Variants in MLXIPL observed in about 807,000 individuals in gnomAD.
MLXIPL encodes carbohydrate-responsive element-binding protein.
Under a neutral mutation model 81.5 loss-of-function variants are expected in MLXIPL, and 49 were observed. The observed-to-expected ratio is 0.60, with a 90% CI of 0.48 to 0.76. The LOEUF is 0.76. Ranked by LOEUF, MLXIPL falls within the 30% of genes least tolerant of loss-of-function variation. The probability of loss-of-function intolerance (pLI) is 0.00; values close to 1 mark genes in which losing one functional copy is unlikely to be tolerated. For missense variants in MLXIPL, 1,053 were observed against 1,167.0 expected (o/e 0.90, Z 1.42); for synonymous variants, 466 against 485.5 (o/e 0.96, Z 0.53).
chr7:73,624,476 G>C lies in MLXIPL; in HGVS notation c.17C>G (p.Ala6Gly). 6.5e-7 allele frequency: 1 copy of C among 1,531,128 alleles called. No individual in the cohort carries two copies. The highest frequency in any genetic ancestry group is 8.7e-7 in the Non-Finnish European group (1 of 1,145,772). The allele number at this position is 1,531,128 out of a possible 1,614,324, so 94.8% of individuals were successfully genotyped here. ...GACCTGCAAGCCCGCGGCCAGACCTGCCAGCGCGCCGGCCATGGCTGTCGC... is the reference window on the plus strand; with the variant it reads ...GACCTGCAAGCCCGCGGCCAGACCTCCCAGCGCGCCGGCCATGGCTGTCGC... The part of the protein sequence containing the change: MAGAL[A>G]GLAAGLQVPR... The change falls in exon 1 of 17, where the codon GCA becomes GGA. Residue 6 changes from alanine to glycine, a missense_variant. By Grantham distance (60) the Ala-to-Gly change is moderately conservative. This residue lies in a region of MLXIPL where 226 missense variants were observed against 216.2 expected (regional missense o/e 1.05). Coordinates refer to ENST00000313375, the MANE Select transcript of MLXIPL (RefSeq NM_032951.3).
Position 73,623,298 on chromosome 7 carries a change from G to A in MLXIPL, c.293+902C>T, listed in dbSNP as rs1402708621. 1.3e-5 allele frequency among the ~76,000 whole-genome samples: 2 copies of A among 152,340 alleles called. No homozygotes were observed. Among genetic ancestry groups the A allele is most frequent in the Admixed American group, 1.3e-4 (2 of 15,282 alleles). ...TTTGCACAGAGAAAAGATCAAGGCC[G>A]GCCGATCCCCCTTTCTCCCCTACGG... On this transcript the variant is annotated intron_variant, in intron 1 of 16. Transcript: ENST00000313375. The surrounding 1 kb of genome is among the most constrained non-coding windows in gnomAD (Gnocchi z 5.7).
chr7:73,643,497 G>T, the MLXIPL span, among the ~76,000 whole-genome samples: 1 of 149,318 alleles, frequency 6.7e-6, no homozygotes, highest in Non-Finnish European at 1.5e-5. Flanking sequence ...CTGGGCGACA[G>T]AGCGAGACTC....
At chr7:73,631,557 A>ATTTTTTTTTTTTTTT in the MLXIPL span, among the ~76,000 whole-genome samples, 1 of 84,502 alleles carries the variant, frequency 1.2e-5, no homozygotes, top group Non-Finnish European at 2.5e-5. Context: ...GGATGTTGCT[A>ATTTTTTTTTTTTTTT]CTTTTTTTTT....
chr7:73,637,248 C>A, the MLXIPL span, among the ~76,000 whole-genome samples: 8 of 151,800 alleles, frequency 5.3e-5, no homozygotes, highest in East Asian at 1.6e-3. Context: ...CAGGCCGAGG[C>A]AAGAGGATCA....
intron 7 of MLXIPL, among the ~76,000 whole-genome samples, chr7:73,601,092 G>A (rs1322564125): frequency 6.6e-6 from 1 of 151,530 alleles, no homozygotes; most frequent in Non-Finnish European, 1.5e-5. Context: ...AGCTGCTCAA[G>A]TCTGCCTCCC....
chr7:73,614,869 G>C (rs1042546886), intron 2 of MLXIPL, among the ~76,000 whole-genome samples: 1 of 149,998 alleles, frequency 6.7e-6, no homozygotes, highest in Non-Finnish European at 1.5e-5. Context: ...GGAGTGCAGC[G>C]GCGCGATCTC....
Position 73,610,649 on chromosome 7 carries a change from A to G in MLXIPL, c.401-2977T>C, listed in dbSNP as rs1276022312. On this transcript the variant is annotated intron_variant, in intron 2 of 16. Coordinates refer to ENST00000313375, the MANE Select transcript of MLXIPL (RefSeq NM_032951.3). Reference sequence around the variant, plus strand: ...CTACCATGCCCAGCTGGTTTTTTGTATTTTTGGTAGAGACAGGGTTTCGCC... The same window carrying G: ...CTACCATGCCCAGCTGGTTTTTTGTGTTTTTGGTAGAGACAGGGTTTCGCC... The G allele has an allele frequency of 2.6e-5, 4 of 151,768 alleles. No homozygotes were observed. In the East Asian group the frequency reaches 7.8e-4, roughly 29 times the overall value. The allele number at this position is 151,768 out of a possible 1,614,324, so 9.4% of individuals were successfully genotyped here. A position where few individuals can be genotyped will look rare whatever the true frequency, so the allele number is the denominator to read the frequency against.
chr7:73,606,381 C>T (rs2116348533), intron 5 of MLXIPL: 12 of 503,324 alleles, frequency 2.4e-5, no homozygotes, highest in South Asian at 9.1e-5. Flanking sequence ...GACCCCAGTT[C>T]TTTGGTCCCT....
intron 1 of MLXIPL, among the ~76,000 whole-genome samples, chr7:73,616,429 G>A (rs1380133679): frequency 1.3e-5 from 2 of 152,138 alleles, no homozygotes; most frequent in African/African-American, 4.8e-5. Flanking sequence ...CAGAACAAAA[G>A]CCACGCTGAA....
the MLXIPL span, among the ~76,000 whole-genome samples, chr7:73,633,080 CT>C: frequency 5.1e-3 from 696 of 135,186 alleles, 5 homozygotes; most frequent in African/African-American, 0.013. Flanking sequence ...CCCACCCTAC[CT>C]TTTTTTTTTT....
At chr7:73,612,708 C>G (rs146676041) in intron 2 of MLXIPL, among the ~76,000 whole-genome samples, 1 of 152,062 alleles carries the variant, frequency 6.6e-6, no homozygotes, top group African/African-American at 2.4e-5. Context: ...GCCCCCCTCC[C>G]CAGCCCAGAG....
intron 5 of MLXIPL, chr7:73,606,490 A>G (rs1352129989): frequency 7.6e-5 from 25 of 330,068 alleles, no homozygotes; most frequent in Middle Eastern, 1.0e-3. Context: ...CAGTGGCGCA[A>G]TCTCAGCTCA....
intron 1 of MLXIPL, among the ~76,000 whole-genome samples, chr7:73,619,018 G>A (rs1554601365): frequency 2.0e-5 from 3 of 152,136 alleles, no homozygotes; most frequent in African/African-American, 4.8e-5. Flanking sequence ...AGAGCGTAAC[G>A]CTAGGGTTCA....
chr7:73,605,011 T>C (rs112781951), intron 7 of MLXIPL, among the ~76,000 whole-genome samples: 6,395 of 152,230 alleles, frequency 0.042, 525 homozygotes, highest in African/African-American at 0.15. Context: ...GTGATCTGCC[T>C]GACTCGGCCT....
intron 4 of MLXIPL, 38 bp downstream of exon 4, chr7:73,607,293 G>A: frequency 6.5e-7 from 1 of 1,533,850 alleles, no homozygotes; most frequent in South Asian, 1.2e-5. Flanking sequence ...AGCCGCAGGA[G>A]GAAAGCTCTG....
chr7:73,632,731 ATTCCTTCCTTCTTTCCTTCCTTCC>A, the MLXIPL span, among the ~76,000 whole-genome samples: 1 of 143,582 alleles, frequency 7.0e-6, no homozygotes, highest in Admixed American at 7.1e-5. Flanking sequence ...TTTCCCTTTC[ATTCCTTCCTTCTTTCCTTCCTTCC>A]TTCCTTCCTT....
chr7:73,595,996 G>T lies in MLXIPL; in HGVS notation c.2059-27C>A, dbSNP rs782805389. ...TGCAGACGCCACCAGGGGGGCTCAG[G>T]CAGGTGCTAGAGGCTGTACCCTGGG... On this transcript the variant is annotated intron_variant, in intron 13 of 16. Transcript: ENST00000313375. The T allele has an allele frequency of 3.7e-6, 6 of 1,611,218 alleles. No individual in the cohort carries two copies. The South Asian group carries it at 6.6e-5, about 18-fold the overall frequency.
At chr7:73,615,585 C>T (rs1554600592) in intron 2 of MLXIPL, among the ~76,000 whole-genome samples, 1 of 151,984 alleles carries the variant, frequency 6.6e-6, no homozygotes, top group Admixed American at 6.6e-5. Context: ...AGGAGCTATT[C>T]AGGAGTCCTG....
chr7:73,597,486 G>A lies in MLXIPL; in HGVS notation c.1299C>T (p.Pro433=). Reference sequence around the variant, plus strand: ...GAGGGACGGTGGGGAAGGGAAACCTGGGAGAGAAGAGAGGCTCTTCCTGCA... The same window carrying A: ...GAGGGACGGTGGGGAAGGGAAACCTAGGAGAGAAGAGAGGCTCTTCCTGCA... The part of the protein sequence containing the change: ...ALLQEEPLFS[P]RFPFPTVPPA... Residue 433 remains proline (P), a synonymous_variant, in exon 9 of 17, where the codon CCC becomes CCT. Transcript: ENST00000313375. 4 of 1,416,132 alleles carry A rather than the reference G, an allele frequency of 2.8e-6. No homozygotes were observed. Among genetic ancestry groups the A allele is most frequent in the Non-Finnish European group, 3.7e-6 (4 of 1,081,534 alleles). The allele number at this position is 1,416,132 out of a possible 1,614,324, so 87.7% of individuals were successfully genotyped here.
Sources: allele counts gnomAD v4.1 joint callset (sites outside exome capture counted in the v4.1 genomes callset), GRCh38; gene constraint gnomAD v4.1.1; regional missense constraint gnomAD v4.1.1; non-coding constraint Gnocchi (gnomAD v3.1); transcripts MANE v1.5; gene names NCBI Gene and HGNC (gene_info 2026-07-23, HGNC 2026-07-21).